MICAL3: variants seen among roughly 807,000 people sequenced by gnomAD.
The protein encoded by MICAL3 is [F-actin]-monooxygenase MICAL3.
MICAL3 carries 62 observed loss-of-function variants against 207.4 expected under a neutral mutation model. That is an observed-to-expected ratio of 0.30 (90% CI 0.24 to 0.37). MICAL3 has a LOEUF of 0.37. Among genes scored for constraint, MICAL3 ranks in the 10% least tolerant of loss-of-function variants. MICAL3 has a pLI of 1.00. For missense variants in MICAL3, 2,368 were observed against 2,635.6 expected, an observed-to-expected ratio of 0.90 and a Z score of 2.22; for synonymous variants, 1,077 against 1,069.3, an observed-to-expected ratio of 1.01 and a Z score of -0.14.
chr22:17,955,440 C>A (rs1456058554), intron 1 of MICAL3, among the ~76,000 whole-genome samples: 1 of 152,192 alleles, frequency 6.6e-6, no homozygotes. Context: ...TCATGTCCTC[C>A]CCCTCAGGAG....
intron 1 of MICAL3, among the ~76,000 whole-genome samples, chr22:17,953,839 G>A (rs145206218): frequency 2.6e-3 from 388 of 149,464 alleles, no homozygotes; most frequent in Non-Finnish European, 4.1e-3. Flanking sequence ...GCTGAGGCAG[G>A]AGAACTGCCT....
chr22:17,915,753 G>A (rs922811932), intron 1 of MICAL3, among the ~76,000 whole-genome samples: 4 of 152,114 alleles, frequency 2.6e-5, no homozygotes, highest in African/African-American at 7.2e-5. Context: ...AAGCTGAGCA[G>A]CTTGCAATCA....
chr22:18,000,613 C>A (rs952121583), intron 1 of MICAL3, among the ~76,000 whole-genome samples: 2 of 152,354 alleles, frequency 1.3e-5, no homozygotes, highest in East Asian at 3.9e-4. Context: ...CCGTGTAGGG[C>A]TCCTCAAGAT....
intron 17 of MICAL3, among the ~76,000 whole-genome samples, chr22:17,868,489 C>T (rs762544719): frequency 2.6e-5 from 4 of 152,178 alleles, no homozygotes; most frequent in Admixed American, 6.5e-5. Context: ...ACCTGCCCAG[C>T]GTGTCCCACA....
chr22:17,824,799 G>T (rs140082010), intron 22 of MICAL3, among the ~76,000 whole-genome samples: 2 of 152,308 alleles, frequency 1.3e-5, no homozygotes, highest in East Asian at 3.9e-4. Flanking sequence ...TTAAAACCTC[G>T]GTGTGAGAAC....
rs1205514726 is a variant in MICAL3 at position 17,810,851 on chromosome 22, C to G, written c.5446-38G>C. The G allele has an allele frequency of 4.5e-6, 7 of 1,566,552 alleles. No homozygotes were observed. In the South Asian group the frequency reaches 6.7e-5, roughly 15 times the overall value. ...AGAGAAACTTCCTCAGTCAGGTGCA[C>G]GGAGGCCTGGGACAGGGGTGGGCAG... On this transcript the variant is annotated intron_variant, in intron 27 of 31. Coordinates refer to ENST00000441493, the MANE Select transcript of MICAL3 (RefSeq NM_015241.3).
chr22:17,915,578 A>G (rs1352844642), intron 1 of MICAL3, among the ~76,000 whole-genome samples: 1 of 152,138 alleles, frequency 6.6e-6, no homozygotes, highest in Non-Finnish European at 1.5e-5. Context: ...CTGGCAGGAG[A>G]CTAACCTGGA....
intron 1 of MICAL3, among the ~76,000 whole-genome samples, chr22:17,930,187 T>C (rs1031257954): frequency 8.5e-5 from 13 of 152,324 alleles, no homozygotes; most frequent in African/African-American, 3.1e-4. Flanking sequence ...AGGGAACAAC[T>C]GGAACTCTCA....
chr22:17,837,914 A>G (rs1388413897), intron 20 of MICAL3, among the ~76,000 whole-genome samples: 1 of 152,222 alleles, frequency 6.6e-6, no homozygotes, highest in Non-Finnish European at 1.5e-5. Context: ...ACTCCTGGGC[A>G]CAAGCGATCC....
rs546735338 is a variant in MICAL3, at chr22:17,817,319, A to T, written c.5342T>A (p.Val1781Glu). 2.3e-5 allele frequency: 37 copies of T among 1,596,830 alleles called. No homozygotes were observed. In the South Asian group the frequency reaches 3.8e-4, roughly 16 times the overall value. ...DSGKHRVLPV[V>E]RAELQLRRQL... ...CCCGGCTGCTGACGCACCTGCCCTT[A>T]CGACGGGAAGCACCCTGTGCTTTCC... Residue 1781 changes from valine (V) to glutamate (E), a missense_variant, in exon 26 of 32, where the codon GTA becomes GAA. By Grantham distance (121) the Val-to-Glu change is moderately radical. Around this residue, in one of 4 missense-constraint regions of MICAL3, gnomAD observed 1,770 missense variants for 1,863.2 expected, o/e 0.95. Coordinates refer to ENST00000441493, the MANE Select transcript of MICAL3 (RefSeq NM_015241.3).
intron 29 of MICAL3, among the ~76,000 whole-genome samples, chr22:17,799,271 A>T (rs546448758): frequency 2.6e-5 from 4 of 152,236 alleles, no homozygotes; most frequent in African/African-American, 9.6e-5. Context: ...AGTCCCAGCT[A>T]CTCAGGAGGC....
intron 1 of MICAL3, among the ~76,000 whole-genome samples, chr22:17,987,509 CT>C (rs1921161370): frequency 6.6e-6 from 1 of 152,204 alleles, no homozygotes; most frequent in African/African-American, 2.4e-5. Flanking sequence ...CTTCTGCCCC[CT>C]GGGCAGCCTA....
chr22:17,853,523 T>G (rs1278549572), intron 19 of MICAL3, among the ~76,000 whole-genome samples: 3 of 152,216 alleles, frequency 2.0e-5, no homozygotes, highest in Non-Finnish European at 4.4e-5. Flanking sequence ...GACAATCACA[T>G]TTGATATTCT....
Position 17,877,547 on chromosome 22 carries a change from G to GAGGGAGGTTATGGAGGTT in MICAL3, c.2242-5542_2242-5525dup, listed in dbSNP as rs1928944225. ...GGGAGGTGAGGGAGGTTATGGAGGT[G>GAGGGAGGTTATGGAGGTT]AGGGAGGTTATGGAGGTTAGGGAGG... On this transcript the variant is annotated intron_variant, in intron 16 of 31. Coordinates refer to ENST00000441493, the MANE Select transcript of MICAL3 (RefSeq NM_015241.3). Among the ~76,000 whole-genome samples the GAGGGAGGTTATGGAGGTT allele has an allele frequency of 1.0e-4, 6 of 60,194 alleles. 1 individual carries two copies. Among genetic ancestry groups the GAGGGAGGTTATGGAGGTT allele is most frequent in the Non-Finnish European group, 1.9e-4 (5 of 26,764 alleles). The allele number at this position is 60,194 out of a possible 152,430, so 39.5% of individuals were successfully genotyped here. A position where few individuals can be genotyped will look rare whatever the true frequency, so the allele number is the denominator to read the frequency against.
intron 1 of MICAL3, among the ~76,000 whole-genome samples, chr22:17,982,679 TCATAACATAACATAACATAA>T (rs11268253): frequency 7.0e-6 from 1 of 142,962 alleles, no homozygotes. Flanking sequence ...TCAAAAAAAT[TCATAACATAACATAACATAA>T]CATAACATAA....
At chr22:17,894,248 CAAA>C (rs895992256) in intron 10 of MICAL3, among the ~76,000 whole-genome samples, 3 of 151,674 alleles carry the variant, frequency 2.0e-5, no homozygotes, top group South Asian at 2.1e-4. Context: ...CTCGTCTCTA[CAAA>C]AAATTTAAAA....
chr22:17,825,037 T>C (rs1323787336), intron 22 of MICAL3, among the ~76,000 whole-genome samples: 1 of 152,118 alleles, frequency 6.6e-6, no homozygotes. Flanking sequence ...CTCTACACTC[T>C]TGCTGGCGAG....
At chr22:17,907,220 G>T (rs530414800) in intron 1 of MICAL3, among the ~76,000 whole-genome samples, 2 of 151,922 alleles carry the variant, frequency 1.3e-5, no homozygotes, top group South Asian at 2.1e-4. Flanking sequence ...GGTGGTGAAG[G>T]GGGGGGGTCC....
At chr22:17,974,237 T>C (rs1413177398) in intron 1 of MICAL3, among the ~76,000 whole-genome samples, 1 of 152,194 alleles carries the variant, frequency 6.6e-6, no homozygotes, top group African/African-American at 2.4e-5. Flanking sequence ...GCCCTGGGCC[T>C]GGCCCTCAAC....
Sources: gnomAD v4.1 joint callset for allele counts (sites outside exome capture counted in the v4.1 genomes callset) on GRCh38, gnomAD v4.1.1 for gene constraint, gnomAD v4.1.1 regional missense constraint, MANE v1.5 for transcripts, NCBI Gene and HGNC (gene_info 2026-07-23, HGNC 2026-07-21) for gene names.